Variants in RAPSN observed in about 807,000 individuals in gnomAD.
RAPSN encodes the protein 43 kDa receptor-associated protein of the synapse.
In RAPSN, 33 loss-of-function variants were observed where a neutral mutation model predicts 45.7. The observed-to-expected ratio is 0.72, with a 90% CI of 0.55 to 0.97. The LOEUF (loss-of-function observed/expected upper bound fraction) is 0.97. Among genes scored for constraint, RAPSN ranks in the 50% least tolerant of loss-of-function variants. The pLI is 0.00. For synonymous variants in RAPSN, 244 were observed against 233.6 expected, an observed-to-expected ratio of 1.04 and a Z score of -0.40; for missense variants, 519 against 559.4, an observed-to-expected ratio of 0.93 and a Z score of 0.73.
At chr11:47,446,199 T>C (rs1420565115) in intron 2 of RAPSN, among the ~76,000 whole-genome samples, 2 of 151,436 alleles carry the variant, frequency 1.3e-5, no homozygotes, top group East Asian at 3.9e-4. Flanking sequence ...AGTGCTCAGA[T>C]TATAGGCATG....
At chr11:47,445,593 C>CAAAAAAAAAA (rs61001294) in intron 2 of RAPSN, among the ~76,000 whole-genome samples, 1 of 58,314 alleles carries the variant, frequency 1.7e-5, no homozygotes, top group Non-Finnish European at 3.1e-5. Flanking sequence ...GAGACTGTCT[C>CAAAAAAAAAA]AAAAAAAAAA....
At chr11:47,443,931 C>CAAAAAAAAAAAAAA (rs1161231934) in intron 2 of RAPSN, among the ~76,000 whole-genome samples, 38 of 13,948 alleles carry the variant, frequency 2.7e-3, no homozygotes, top group Admixed American at 3.4e-3. Flanking sequence ...CTCTGTCTCA[C>CAAAAAAAAAAAAAA]AAAAAAAAAA....
chr11:47,438,416 G>A (rs992662116), intron 7 of RAPSN: 3 of 565,440 alleles, frequency 5.3e-6, no homozygotes, highest in Admixed American at 3.1e-5. Flanking sequence ...TCTGCCTCCC[G>A]GGTTCAAGTG....
chr11:47,448,696 C>T (rs1033417260), intron 1 of RAPSN, 77 bp downstream of exon 1: 12 of 1,575,032 alleles, frequency 7.6e-6, no homozygotes, highest in Non-Finnish European at 1.0e-5. Flanking sequence ...CCGAGGAGGC[C>T]GAGAGGGGAC....
intron 2 of RAPSN, among the ~76,000 whole-genome samples, chr11:47,443,507 G>A (rs1222202021): frequency 6.6e-6 from 1 of 152,156 alleles, no homozygotes; most frequent in Non-Finnish European, 1.5e-5. Flanking sequence ...TCCTGTCACT[G>A]TGGAGGATGG....
At position 47,442,212 on chromosome 11, in the gene RAPSN, G is replaced by A. The variant is rs374241354; in HGVS notation, c.691-291C>T. Among the ~76,000 whole-genome samples, 14 of 152,298 alleles carry A rather than the reference G, an allele frequency of 9.2e-5. No homozygotes were observed. In the East Asian group the frequency reaches 1.4e-3, roughly 15 times the overall value. Reference sequence around the variant, plus strand: ...GGACTCCAGAAACTGGCCCTCTTCCGTCTCTACCCTTCAAAGTACCCCATA... The same window carrying A: ...GGACTCCAGAAACTGGCCCTCTTCCATCTCTACCCTTCAAAGTACCCCATA... On this transcript the variant is annotated intron_variant, in intron 3 of 7. Coordinates refer to ENST00000298854, the MANE Select transcript of RAPSN (RefSeq NM_005055.5).
intron 2 of RAPSN, among the ~76,000 whole-genome samples, chr11:47,445,368 G>C (rs926229044): frequency 6.6e-6 from 1 of 151,624 alleles, no homozygotes; most frequent in African/African-American, 2.4e-5. Context: ...AGGCTGAAGC[G>C]GGTGGATCAC....
chr11:47,448,952 G>C lies in RAPSN; in HGVS notation c.13C>G (p.Gln5Glu). 2 of 1,614,232 alleles carry C rather than the reference G, an allele frequency of 1.2e-6. No homozygotes were observed. The highest frequency in any genetic ancestry group is 4.5e-5 in the East Asian group (2 of 44,882). MGQD[Q>E]TKQQIEKGLQ... ...CCCTTCTCGATCTGCTGCTTGGTCT[G>C]GTCCTGCCCCATCCTCCCCAAGCCC... Residue 5 changes from glutamine to glutamate, a missense_variant, in exon 1 of 8, where the codon CAG becomes GAG. Transcript: ENST00000298854.
intron 2 of RAPSN, among the ~76,000 whole-genome samples, chr11:47,446,899 C>T (rs2153310792): frequency 6.6e-6 from 1 of 152,268 alleles, no homozygotes; most frequent in African/African-American, 2.4e-5. Flanking sequence ...GAGCAAAACT[C>T]CGCCCCTGCC....
chr11:47,438,602 C>T (rs2076333448), intron 7 of RAPSN, 130 bp downstream of exon 7: 8 of 1,138,844 alleles, frequency 7.0e-6, no homozygotes, highest in South Asian at 4.3e-5. Flanking sequence ...GCGAGACAGA[C>T]GTGAGGCACC....
chr11:47,442,514 G>A (rs772238892), intron 3 of RAPSN, 142 bp downstream of exon 3: 9 of 887,120 alleles, frequency 1.0e-5, no homozygotes, highest in African/African-American at 1.7e-5. Context: ...GGTGGTGCAC[G>A]CCTTTAGAGA....
intron 6 of RAPSN, among the ~76,000 whole-genome samples, chr11:47,439,893 A>G (rs2076350038): frequency 6.6e-6 from 1 of 151,794 alleles, no homozygotes; most frequent in Non-Finnish European, 1.5e-5. Flanking sequence ...TTGTATTTTT[A>G]GTAGAGACAG....
At chr11:47,447,613 G>C (rs534297222) in intron 2 of RAPSN, among the ~76,000 whole-genome samples, 199 bp downstream of exon 2, 1 of 152,334 alleles carries the variant, frequency 6.6e-6, no homozygotes, top group South Asian at 2.1e-4. Context: ...ACAGATCAAG[G>C]TTTGAATCCT....
At chr11:47,446,509 C>G (rs770015870) in intron 2 of RAPSN, among the ~76,000 whole-genome samples, 17 of 152,146 alleles carry the variant, frequency 1.1e-4, no homozygotes, top group Non-Finnish European at 2.2e-4. Context: ...CAGCATTTAT[C>G]CACTCACTAA....
Position 47,437,960 on chromosome 11 carries a change from G to A in RAPSN, c.*15C>T, listed in dbSNP as rs879658032. 3.9e-6 allele frequency: 6 copies of A among 1,550,906 alleles called. No individual in the cohort carries two copies. Among genetic ancestry groups the A allele is most frequent in the South Asian group, 1.2e-5 (1 of 84,032 alleles). ...CAGGAGTGGCGAGGAGGAAGCCCACGCCTGCTGCCAGGAGTCATACAAAGC... is the reference window on the plus strand; with the variant it reads ...CAGGAGTGGCGAGGAGGAAGCCCACACCTGCTGCCAGGAGTCATACAAAGC... On this transcript the variant is annotated 3_prime_UTR_variant, in exon 8 of 8. Coordinates refer to ENST00000298854, the MANE Select transcript of RAPSN (RefSeq NM_005055.5).
intron 6 of RAPSN, 80 bp from the exon 7 acceptor site, chr11:47,439,011 C>T (rs1205928197): frequency 1.4e-6 from 2 of 1,448,880 alleles, no homozygotes; most frequent in Admixed American, 4.0e-5. Context: ...TCAGCCACTT[C>T]CCTGTCTTGC....
intron 2 of RAPSN, among the ~76,000 whole-genome samples, chr11:47,446,765 C>T (rs927222001): frequency 3.3e-5 from 5 of 152,228 alleles, no homozygotes; most frequent in South Asian, 2.1e-4. Context: ...ATTAGCCGGG[C>T]GTGGTGGTAT....
At position 47,448,072 on chromosome 11, in the gene RAPSN, G is replaced by C; in HGVS notation, c.271C>G (p.Arg91Gly). Reference sequence around the variant, plus strand: ...AACTCGCACAGCTTCTCGTTGCTGCGTGCCAGGTTCAGGTAGCTCTCCAGG... The same window carrying C: ...AACTCGCACAGCTTCTCGTTGCTGCCTGCCAGGTTCAGGTAGCTCTCCAGG... ...FLLESYLNLA[R>G]SNEKLCEFHK... The change falls in exon 2 of 8, where the codon CGC becomes GGC. Residue 91 changes from arginine (R) to glycine (G), a missense_variant. Coordinates refer to ENST00000298854, the MANE Select transcript of RAPSN (RefSeq NM_005055.5). 6.2e-7 allele frequency: 1 copy of C among 1,614,000 alleles called. No homozygotes were observed.
intron 5 of RAPSN, 157 bp downstream of exon 5, chr11:47,441,454 C>G (rs2076361354): frequency 1.4e-6 from 2 of 1,406,750 alleles, no homozygotes; most frequent in Admixed American, 2.1e-5. Context: ...AGTGATGGGC[C>G]TTCTCTGAGC....
Sources: gnomAD v4.1 joint callset for allele counts (sites outside exome capture counted in the v4.1 genomes callset) on GRCh38, gnomAD v4.1.1 for gene constraint, MANE v1.5 for transcripts, NCBI Gene and HGNC (gene_info 2026-07-23, HGNC 2026-07-21) for gene names.